TRPS1: variants seen among roughly 807,000 people sequenced by gnomAD.
TRPS1 encodes zinc finger transcription factor Trps1.
Under a neutral mutation model 101.2 loss-of-function variants are expected in TRPS1, and 6 were observed. That is an observed-to-expected ratio of 0.06 (90% CI 0.03 to 0.12). The LOEUF (loss-of-function observed/expected upper bound fraction) is 0.12, where lower values mean the gene tolerates loss of function less well. Ranked by LOEUF, TRPS1 falls within the 10% of genes least tolerant of loss-of-function variation. The probability of loss-of-function intolerance (pLI) is 1.00; values close to 1 mark genes in which losing one functional copy is unlikely to be tolerated. For synonymous variants in TRPS1, 578 were observed against 589.8 expected, an observed-to-expected ratio of 0.98 and a Z score of 0.29; for missense variants, 1,363 against 1,567.0, an observed-to-expected ratio of 0.87 and a Z score of 2.20.
At chr8:115,523,411 G>A (rs1815916402) in intron 5 of TRPS1, among the ~76,000 whole-genome samples, 1 of 152,012 alleles carries the variant, frequency 6.6e-6, no homozygotes, top group Non-Finnish European at 1.5e-5. Flanking sequence ...GAACATGTGG[G>A]TACATGTGAA....
At chr8:115,487,949 G>A (rs1344782167) in intron 5 of TRPS1, among the ~76,000 whole-genome samples, 1 of 152,142 alleles carries the variant, frequency 6.6e-6, no homozygotes, top group Non-Finnish European at 1.5e-5. Flanking sequence ...GTTCTACTGT[G>A]GGTAAAATGT....
In TRPS1 at chr8:115,641,705, C is replaced by A. The variant is rs953911626; in HGVS notation, c.-121-17947G>T. On this transcript the variant is annotated intron_variant, in intron 1 of 6. Coordinates refer to ENST00000395715, the MANE Select transcript of TRPS1 (RefSeq NM_014112.5). ...GATCACCCTGGCCAACATGGTGAAACCCCATCTCTACTAAAGTACAAAAAA... is the reference window on the plus strand; with the variant it reads ...GATCACCCTGGCCAACATGGTGAAAACCCATCTCTACTAAAGTACAAAAAA... Among the ~76,000 whole-genome samples, 3 of 152,194 alleles carry A rather than the reference C, an allele frequency of 2.0e-5. No individual in the cohort carries two copies. The East Asian group carries it at 5.8e-4, about 29-fold the overall frequency.
intron 5 of TRPS1, among the ~76,000 whole-genome samples, chr8:115,584,765 T>C (rs1817527657): frequency 6.6e-6 from 1 of 152,030 alleles, no homozygotes; most frequent in South Asian, 2.1e-4. Context: ...GTTTCTTAAT[T>C]CTGTTAGGTG....
intron 5 of TRPS1, among the ~76,000 whole-genome samples, chr8:115,545,334 A>G (rs933507473): frequency 6.6e-6 from 1 of 152,174 alleles, no homozygotes; most frequent in African/African-American, 2.4e-5. Flanking sequence ...TGCACGAATT[A>G]TACTTTTCCT....
chr8:115,662,356 A>C (rs754842675), intron 1 of TRPS1, among the ~76,000 whole-genome samples: 1 of 152,026 alleles, frequency 6.6e-6, no homozygotes, highest in Admixed American at 6.6e-5. Flanking sequence ...AAAAAAATCT[A>C]TCAGGAAGAA....
At chr8:115,480,372 T>G (rs534990357) in intron 5 of TRPS1, among the ~76,000 whole-genome samples, 177 of 152,244 alleles carry the variant, frequency 1.2e-3, no homozygotes, top group Non-Finnish European at 2.0e-3. Context: ...TTAAAATGGC[T>G]GGCTGGCAGA....
intron 5 of TRPS1, among the ~76,000 whole-genome samples, chr8:115,514,171 T>C (rs1815652872): frequency 6.6e-6 from 1 of 151,752 alleles, no homozygotes; most frequent in South Asian, 2.1e-4. Context: ...AGATACTCTC[T>C]TGTTTGATTT....
chr8:115,637,990 T>C (rs1818808381), intron 1 of TRPS1, among the ~76,000 whole-genome samples: 1 of 152,136 alleles, frequency 6.6e-6, no homozygotes, highest in Non-Finnish European at 1.5e-5. Flanking sequence ...AAACATAAAT[T>C]TAGGTTTTCC....
rs1359022928 is a variant in TRPS1 at position 115,587,367 on chromosome 8, C to G, written c.2334G>C (p.Val778=). ...KMGEPVSESV[V]KREKLEEKDG... ...CCTTCTCTTCCAGCTTCTCTCTCTT[C>G]ACCACACTCTCAGAAACTGGCTCTC... The change falls in exon 5 of 7, where the codon GTG becomes GTC. Residue 778 remains valine (V), a synonymous_variant. Coordinates refer to ENST00000395715, the MANE Select transcript of TRPS1 (RefSeq NM_014112.5). 8 of 1,614,084 alleles carry G rather than the reference C, an allele frequency of 5.0e-6. No individual in the cohort carries two copies. The African/African-American group carries it at 9.3e-5, about 19-fold the overall frequency.
intron 5 of TRPS1, among the ~76,000 whole-genome samples, chr8:115,481,188 C>T (rs1047464236): frequency 1.3e-5 from 2 of 151,750 alleles, no homozygotes; most frequent in African/African-American, 4.9e-5. Flanking sequence ...TGCCCGTTTA[C>T]AGATCAGATA....
intron 5 of TRPS1, among the ~76,000 whole-genome samples, chr8:115,554,630 T>C (rs1816776146): frequency 6.6e-6 from 1 of 152,194 alleles, no homozygotes; most frequent in African/African-American, 2.4e-5. Context: ...AGTTTTCGAT[T>C]CAAGATTTAC....
chr8:115,439,799 G>C (rs1813545795), intron 5 of TRPS1, among the ~76,000 whole-genome samples: 1 of 152,088 alleles, frequency 6.6e-6, no homozygotes, highest in Non-Finnish European at 1.5e-5. Flanking sequence ...GGTAGAAAAT[G>C]AATTGAATCA....
intron 5 of TRPS1, among the ~76,000 whole-genome samples, chr8:115,560,675 C>T (rs1816925191): frequency 6.6e-6 from 1 of 152,066 alleles, no homozygotes; most frequent in Non-Finnish European, 1.5e-5. Context: ...ATGCAGGGTC[C>T]TTTCAGAAAC....
intron 1 of TRPS1, among the ~76,000 whole-genome samples, chr8:115,635,005 A>C (rs1374216349): frequency 6.6e-6 from 1 of 152,198 alleles, no homozygotes; most frequent in Non-Finnish European, 1.5e-5. Context: ...AGCTAAAATA[A>C]TAGATGAACC....
chr8:115,576,207 T>A (rs1035847364), intron 5 of TRPS1, among the ~76,000 whole-genome samples: 1 of 152,048 alleles, frequency 6.6e-6, no homozygotes, highest in Non-Finnish European at 1.5e-5. Context: ...TCAGACTGTA[T>A]GTGTGACAGT....
At chr8:115,621,166 A>G (rs1818384152) in intron 2 of TRPS1, among the ~76,000 whole-genome samples, 1 of 152,226 alleles carries the variant, frequency 6.6e-6, no homozygotes, top group Non-Finnish European at 1.5e-5. Context: ...TGTCAATTAA[A>G]GAATGCATTA....
At chr8:115,529,400 C>T (rs1020356277) in intron 5 of TRPS1, among the ~76,000 whole-genome samples, 5 of 151,858 alleles carry the variant, frequency 3.3e-5, no homozygotes, top group Admixed American at 6.6e-5. Context: ...GAAAATTACA[C>T]GATATATATT....
intron 4 of TRPS1, among the ~76,000 whole-genome samples, chr8:115,594,313 A>T (rs952078102): frequency 6.6e-6 from 1 of 152,094 alleles, no homozygotes; most frequent in African/African-American, 2.4e-5. Flanking sequence ...TCTGAGAAAA[A>T]AAGATGTCAT....
chr8:115,600,049 A>G (rs1817875105), intron 4 of TRPS1, among the ~76,000 whole-genome samples: 1 of 152,082 alleles, frequency 6.6e-6, no homozygotes, highest in Non-Finnish European at 1.5e-5. Context: ...ATGAGATGGT[A>G]TCTCATTGTG....
Sources: allele counts gnomAD v4.1 joint callset (sites outside exome capture counted in the v4.1 genomes callset), GRCh38; gene constraint gnomAD v4.1.1; transcripts MANE v1.5; gene names NCBI Gene and HGNC (gene_info 2026-07-23, HGNC 2026-07-21).